The following KANSL1 variants were observed in gnomAD, a reference collection of about 807,000 sequenced individuals.
The protein encoded by KANSL1 is KAT8 regulatory NSL complex subunit 1.
KANSL1 carries 22 observed loss-of-function variants against 103.6 expected under a neutral mutation model. The observed-to-expected ratio is 0.21, with a 90% CI of 0.15 to 0.30. The LOEUF is 0.30. Ranked by LOEUF, KANSL1 falls within the 10% of genes least tolerant of loss-of-function variation. The pLI is 1.00. For missense variants in KANSL1, 1,337 were observed against 1,399.8 expected, an observed-to-expected ratio of 0.96 and a Z score of 0.72; for synonymous variants, 600 against 527.6, an observed-to-expected ratio of 1.14 and a Z score of -1.88.
chr17:46,083,196 T>C (rs1356537184), intron 3 of KANSL1, among the ~76,000 whole-genome samples: 1 of 152,086 alleles, frequency 6.6e-6, no homozygotes, highest in African/African-American at 2.4e-5. Context: ...GTCCTCCCCA[T>C]TGTACATATA....
At chr17:46,106,181 C>T (rs2042557743) in intron 2 of KANSL1, among the ~76,000 whole-genome samples, 1 of 152,156 alleles carries the variant, frequency 6.6e-6, no homozygotes, top group Non-Finnish European at 1.5e-5. Flanking sequence ...ACACTGAGTT[C>T]CAAATCCTGG....
chr17:46,160,393 G>C (rs1410984748), intron 2 of KANSL1, among the ~76,000 whole-genome samples: 1 of 152,108 alleles, frequency 6.6e-6, no homozygotes, highest in Admixed American at 6.5e-5. Flanking sequence ...TACCTCCCAG[G>C]CTCAAAGCAA....
At chr17:46,135,386 G>T (rs1175328935) in intron 2 of KANSL1, among the ~76,000 whole-genome samples, 1 of 131,512 alleles carries the variant, frequency 7.6e-6, no homozygotes, top group African/African-American at 2.5e-5. Context: ...ACATAGTATG[G>T]AAGGTTGGCA....
rs559102349 is a variant in KANSL1 at position 46,185,275 on chromosome 17, C to T, written c.-90+7548G>A. ...CCCATCAGATGAAGATCCATTAGGA[C>T]GTTAATGGGGATGTCTGAAGTGATC... On this transcript the variant is annotated intron_variant, in intron 1 of 14. Transcript: ENST00000432791. 4.6e-5 allele frequency among the ~76,000 whole-genome samples: 7 copies of T among 152,306 alleles called. No homozygotes were observed. The South Asian group carries it at 6.2e-4, about 14-fold the overall frequency.
chr17:46,121,784 T>C (rs1399837520), intron 2 of KANSL1, among the ~76,000 whole-genome samples: 2 of 152,206 alleles, frequency 1.3e-5, no homozygotes, highest in African/African-American at 4.8e-5. Flanking sequence ...CAACTTACAA[T>C]GGGGGTTTTG....
At chr17:46,189,173 ATTACATCTG>A (rs2047187442) in intron 1 of KANSL1, among the ~76,000 whole-genome samples, 1 of 151,766 alleles carries the variant, frequency 6.6e-6, no homozygotes, top group South Asian at 2.1e-4. Flanking sequence ...GCGCACAATG[ATTACATCTG>A]TGCACGCCAA....
At chr17:46,061,810 G>A (rs1598512261) in intron 6 of KANSL1, among the ~76,000 whole-genome samples, 2 of 152,244 alleles carry the variant, frequency 1.3e-5, no homozygotes, top group Admixed American at 6.5e-5. Flanking sequence ...GTTACAGATT[G>A]GCCGGGCGCG....
At chr17:46,186,679 T>G (rs2696706) in intron 1 of KANSL1, among the ~76,000 whole-genome samples, 1 of 152,162 alleles carries the variant, frequency 6.6e-6, no homozygotes, top group Admixed American at 6.5e-5. Flanking sequence ...TGGTAACATA[T>G]GGAGAGTTTA....
intron 6 of KANSL1, among the ~76,000 whole-genome samples, chr17:46,057,641 C>T (rs1323860730): frequency 6.6e-6 from 1 of 152,048 alleles, no homozygotes; most frequent in East Asian, 1.9e-4. Context: ...GACTTATTCA[C>T]GTTTCTACTA....
chr17:46,033,799 G>A (rs1402339413), intron 11 of KANSL1, among the ~76,000 whole-genome samples: 1 of 152,124 alleles, frequency 6.6e-6, no homozygotes, highest in Non-Finnish European at 1.5e-5. Flanking sequence ...GCATACCCAG[G>A]GTTGCCTAAT....
intron 2 of KANSL1, among the ~76,000 whole-genome samples, chr17:46,137,712 A>AC (rs1175373220): frequency 8.7e-6 from 1 of 115,532 alleles, no homozygotes. Flanking sequence ...AAAAAAATAC[A>AC]AAAAATTGGC....
intron 2 of KANSL1, among the ~76,000 whole-genome samples, chr17:46,163,830 A>C (rs183841906): frequency 6.6e-6 from 1 of 152,316 alleles, no homozygotes; most frequent in East Asian, 1.9e-4. Context: ...ATCTGTACCT[A>C]TAATACTATG....
intron 2 of KANSL1, among the ~76,000 whole-genome samples, chr17:46,115,518 C>A (rs896194149): frequency 3.9e-5 from 6 of 152,108 alleles, no homozygotes; most frequent in Admixed American, 6.6e-5. Flanking sequence ...ACAGAAATCC[C>A]AAGGAAAGTA....
chr17:46,171,220 C>A lies in KANSL1; in HGVS notation c.924G>T (p.Val308=), dbSNP rs2046268429. 1.2e-6 allele frequency: 2 copies of A among 1,614,128 alleles called. No individual in the cohort carries two copies. The highest frequency in any genetic ancestry group is 4.5e-5 in the East Asian group (2 of 44,854). Residue 308 remains valine (V), a synonymous_variant, in exon 2 of 15, where the codon GTG becomes GTT. Coordinates refer to ENST00000432791, the MANE Select transcript of KANSL1 (RefSeq NM_015443.4). The part of the protein sequence containing the change: ...ARRLQKRLQV[V]QAKQVERHIQ... ...TATGCCTCTCAACCTGCTTGGCTTG[C>A]ACAACCTGTAAGCGCTTTTGTAATC...
chr17:46,125,930 T>C (rs2043534442), intron 2 of KANSL1, among the ~76,000 whole-genome samples: 1 of 152,240 alleles, frequency 6.6e-6, no homozygotes, highest in South Asian at 2.1e-4. Flanking sequence ...TATCATTTTC[T>C]AATCTTTATA....
intron 2 of KANSL1, among the ~76,000 whole-genome samples, chr17:46,143,537 G>A (rs2044531612): frequency 6.6e-6 from 1 of 151,980 alleles, no homozygotes; most frequent in African/African-American, 2.4e-5. Flanking sequence ...GGGCACAGTG[G>A]CTCACGCCTG....
At chr17:46,213,394 G>A (rs971358321) in intron 1 of KANSL1, among the ~76,000 whole-genome samples, 2 of 152,026 alleles carry the variant, frequency 1.3e-5, no homozygotes, top group African/African-American at 4.8e-5. Context: ...TCCGCCTGCT[G>A]GGTTCACACC....
At position 46,176,992 on chromosome 17, in the gene KANSL1, C is replaced by T. The variant is rs1311577988; in HGVS notation, c.-89-4760G>A. On this transcript the variant is annotated intron_variant, in intron 1 of 14. Transcript: ENST00000432791. ...ATACCAAAGAAATACCATTTATTGA[C>T]TTGACATACCTTTATTGACTCGAAA... 6.6e-5 allele frequency among the ~76,000 whole-genome samples: 10 copies of T among 152,294 alleles called. No individual in the cohort carries two copies. In the East Asian group the frequency reaches 1.9e-3, roughly 29 times the overall value.
At chr17:46,122,449 T>C (rs1006433201) in intron 2 of KANSL1, among the ~76,000 whole-genome samples, 7 of 152,334 alleles carry the variant, frequency 4.6e-5, no homozygotes, top group African/African-American at 1.4e-4. Flanking sequence ...ACTGGAAATA[T>C]GAAACACTTT....
Sources: gnomAD v4.1 joint callset for allele counts (sites outside exome capture counted in the v4.1 genomes callset) on GRCh38, gnomAD v4.1.1 for gene constraint, MANE v1.5 for transcripts, NCBI Gene and HGNC (gene_info 2026-07-23, HGNC 2026-07-21) for gene names.